The following FLNB variants were observed in gnomAD, a reference collection of about 807,000 sequenced individuals.
FLNB encodes the protein filamin B.
Under a neutral mutation model 250.6 loss-of-function variants are expected in FLNB, and 111 were observed. The observed-to-expected ratio is 0.44, with a 90% CI of 0.38 to 0.52. The LOEUF (loss-of-function observed/expected upper bound fraction) is 0.52. FLNB is among the 20% of genes least tolerant of loss of function. The pLI, the probability that FLNB is intolerant of heterozygous loss-of-function variation, is 0.00. For synonymous variants in FLNB, 1,302 were observed against 1,372.1 expected, an observed-to-expected ratio of 0.95 and a Z score of 1.13; for missense variants, 2,869 against 3,447.8, an observed-to-expected ratio of 0.83 and a Z score of 4.20.
intron 39 of FLNB, among the ~76,000 whole-genome samples, chr3:58,154,447 A>C (rs565630597): frequency 6.6e-6 from 1 of 152,104 alleles, no homozygotes; most frequent in South Asian, 2.1e-4. Flanking sequence ...CGGGAGGCTG[A>C]GACAGGAGAA....
chr3:58,155,543 C>G (rs1340983066), intron 40 of FLNB, among the ~76,000 whole-genome samples: 3 of 151,418 alleles, frequency 2.0e-5, no homozygotes, highest in African/African-American at 7.3e-5. Context: ...AATGATACGT[C>G]AAAATAACTG....
chr3:58,146,593 G>C, intron 33 of FLNB: 1 of 552,348 alleles, frequency 1.8e-6, no homozygotes. Flanking sequence ...GAGCTCCAGG[G>C]TTACTTGCAG....
chr3:58,066,846 A>G (rs1348688229), intron 1 of FLNB, among the ~76,000 whole-genome samples: 1 of 152,232 alleles, frequency 6.6e-6, no homozygotes, highest in Non-Finnish European at 1.5e-5. Flanking sequence ...AGATACTATG[A>G]GCTGAAAGTT....
intron 41 of FLNB, among the ~76,000 whole-genome samples, chr3:58,156,715 G>A (rs1215337326): frequency 5.3e-5 from 8 of 152,134 alleles, no homozygotes; most frequent in African/African-American, 1.9e-4. Flanking sequence ...TGTTGTTGTT[G>A]AGGCAGAGTC....
chr3:58,106,865 C>G lies in FLNB; in HGVS notation c.1933C>G (p.Pro645Ala), dbSNP rs1229062561. The G allele has an allele frequency of 6.2e-7, 1 of 1,613,268 alleles. No homozygotes were observed. Among genetic ancestry groups the G allele is most frequent in the Non-Finnish European group, 8.5e-7 (1 of 1,179,786 alleles). The change falls in exon 12 of 46, where the codon CCT (proline) becomes GCT (alanine). Residue 645 changes from proline (P) to alanine (A), a missense_variant. Pro to Ala is a conservative substitution (Grantham distance 27). Coordinates refer to ENST00000295956, the MANE Select transcript of FLNB (RefSeq NM_001457.4). ...CCACCCAGCCACGGGAGGCTACAAC[C>G]CTGATCTGGTGAATCAGCTGCTGTG... is the stretch of plus-strand genomic sequence containing the variant. ...FIHPATGGYN[P>A]DLVRAYGPGL...
intron 1 of FLNB, among the ~76,000 whole-genome samples, chr3:58,064,864 C>CCACACAGA (rs1164710207): frequency 7.2e-5 from 11 of 152,120 alleles, no homozygotes; most frequent in Non-Finnish European, 1.3e-4. Flanking sequence ...CACACACACA[C>CCACACAGA]CACACAGACA....
At chr3:58,009,784 C>T (rs1379114926) in intron 1 of FLNB, among the ~76,000 whole-genome samples, 1 of 152,292 alleles carries the variant, frequency 6.6e-6, no homozygotes, top group South Asian at 2.1e-4. Context: ...TCTCCCAAAC[C>T]TACACCAGGG....
chr3:58,111,978 C>G, intron 17 of FLNB, 97 bp downstream of exon 17: 1 of 1,198,488 alleles, frequency 8.3e-7, no homozygotes, highest in Non-Finnish European at 1.2e-6. Flanking sequence ...TCTCCACCAA[C>G]ACCAACACCA....
chr3:58,118,732 T>TAGATCTAAG, intron 18 of FLNB, 140 bp from the exon 19 acceptor site: 1 of 739,124 alleles, frequency 1.4e-6, no homozygotes, highest in East Asian at 2.5e-5. Flanking sequence ...CTAGAAGAAA[T>TAGATCTAAG]AGATCTAAGA....
At position 58,170,761 on chromosome 3, in the gene FLNB, A is replaced by G. The variant is rs1388379726; in HGVS notation, c.7808A>G (p.Ter2603=). The change falls in exon 46 of 46, where the codon TAA becomes TGA. Residue 2603 remains the stop codon, a stop_retained_variant. Transcript: ENST00000295956. ...PGSPFHVTVP[*] is the part of the protein sequence containing the mutation. ...AGCCCTTTTCATGTCACAGTGCCTT[A>G]AAACAGTTTTCTCAAATCCTGGAGA... The G allele has an allele frequency of 1.9e-6, 3 of 1,613,718 alleles. No individual in the cohort carries two copies. The highest frequency in any genetic ancestry group is 1.3e-5 in the African/African-American group (1 of 74,906).
intron 3 of FLNB, 45 bp downstream of exon 3, chr3:58,078,859 T>C: frequency 6.8e-7 from 1 of 1,464,214 alleles, no homozygotes; most frequent in East Asian, 2.3e-5. Flanking sequence ...CCCCACCCAC[T>C]AGCTTGTTCT....
chr3:58,133,525 C>A (rs978415410), intron 26 of FLNB, among the ~76,000 whole-genome samples: 29 of 132,566 alleles, frequency 2.2e-4, no homozygotes, highest in African/African-American at 8.3e-4. Context: ...TAGAGGCTTC[C>A]TTTTGGTGTT....
chr3:58,122,192 A>C (rs1576756257), intron 20 of FLNB, among the ~76,000 whole-genome samples: 2 of 142,158 alleles, frequency 1.4e-5, no homozygotes, highest in East Asian at 4.1e-4. Context: ...AAAAAACCAC[A>C]AAAAAAAACA....
In FLNB at chr3:58,078,814, G is replaced by A. The variant is rs755969281; in HGVS notation, c.639G>A (p.Gln213=). Residue 213 remains glutamine, a splice_region_variant and synonymous_variant, in exon 3 of 46, where the codon CAG becomes CAA. Coordinates refer to ENST00000295956, the MANE Select transcript of FLNB (RefSeq NM_001457.4). ...QQADDWLGVP[Q]VITPEEIIHP... is the part of the protein sequence containing the mutation. ...CAGATGACTGGCTGGGTGTCCCACA[G>A]GTATGCACAAGTGTGCCAGGTCCTG... 1.9e-6 allele frequency: 3 copies of A among 1,610,820 alleles called. No individual in the cohort carries two copies. Among genetic ancestry groups the A allele is most frequent in the Non-Finnish European group, 2.5e-6 (3 of 1,178,192 alleles).
At chr3:58,095,820 C>T (rs983220678) in intron 5 of FLNB, among the ~76,000 whole-genome samples, 1 of 152,178 alleles carries the variant, frequency 6.6e-6, no homozygotes, top group African/African-American at 2.4e-5. Flanking sequence ...TAACACTGGG[C>T]CCTGCATTTC....
At chr3:58,109,401 C>T (rs2097264783) in intron 14 of FLNB, 79 bp downstream of exon 14, 7 of 1,581,276 alleles carry the variant, frequency 4.4e-6, no homozygotes, top group Non-Finnish European at 6.0e-6. Context: ...TGCCTGACAG[C>T]CAAGGCAGAC....
At chr3:58,062,848 G>C (rs1331726546) in intron 1 of FLNB, among the ~76,000 whole-genome samples, 6 of 152,202 alleles carry the variant, frequency 3.9e-5, no homozygotes, top group African/African-American at 4.8e-5. Context: ...AACCAGAATT[G>C]AATGGCTTGA....
intron 12 of FLNB, among the ~76,000 whole-genome samples, chr3:58,107,892 G>A (rs1248673496): frequency 6.6e-6 from 1 of 152,230 alleles, no homozygotes; most frequent in African/African-American, 2.4e-5. Context: ...TAAAGATTCT[G>A]AGTCCCCTCA....
chr3:58,158,526 G>C (rs1357380133), intron 41 of FLNB, among the ~76,000 whole-genome samples: 1 of 152,196 alleles, frequency 6.6e-6, no homozygotes, highest in Non-Finnish European at 1.5e-5. Flanking sequence ...AAGATCCCCA[G>C]ATGGTTTGCT....
Sources: allele counts gnomAD v4.1 joint callset (sites outside exome capture counted in the v4.1 genomes callset), GRCh38; gene constraint gnomAD v4.1.1; transcripts MANE v1.5; gene names NCBI Gene and HGNC (gene_info 2026-07-23, HGNC 2026-07-21).